The following CRACD variants were observed in gnomAD, a reference collection of about 807,000 sequenced individuals.
The protein encoded by CRACD is capping protein inhibiting regulator of actin dynamics.
Under a neutral mutation model 106.8 loss-of-function variants are expected in CRACD, and 56 were observed. The ratio of observed to expected loss-of-function variants is 0.52; its 90% CI spans 0.42 to 0.66. The LOEUF is 0.66. CRACD is among the 30% of genes least tolerant of loss of function. CRACD has a pLI of 0.00. For synonymous variants in CRACD, 754 were observed against 670.8 expected (o/e 1.12, Z -1.92); for missense variants, 1,730 against 1,623.2 (o/e 1.07, Z -1.13).
At chr4:56,241,434 A>C (rs1046516580) in intron 2 of CRACD, among the ~76,000 whole-genome samples, 1 of 152,038 alleles carries the variant, frequency 6.6e-6, no homozygotes, top group East Asian at 1.9e-4. Flanking sequence ...GAATAAAAGC[A>C]ACTAGGGTGA....
At chr4:56,065,422 T>C (rs1732433558) in intron 1 of CRACD, among the ~76,000 whole-genome samples, 1 of 152,152 alleles carries the variant, frequency 6.6e-6, no homozygotes, top group African/African-American at 2.4e-5. Context: ...GGACTGTTAC[T>C]TTCCGAGATT....
intron 1 of CRACD, among the ~76,000 whole-genome samples, chr4:56,102,091 T>C (rs1733791920): frequency 6.6e-6 from 1 of 152,224 alleles, no homozygotes; most frequent in Non-Finnish European, 1.5e-5. Context: ...ATTTAGGGCA[T>C]GCATTTGTGG....
At chr4:56,197,221 G>A (rs1439731528) in intron 2 of CRACD, among the ~76,000 whole-genome samples, 1 of 151,392 alleles carries the variant, frequency 6.6e-6, no homozygotes. Flanking sequence ...GTAACTTACA[G>A]GGAAACTGTC....
chr4:56,181,137 A>C (rs1181513011), intron 2 of CRACD, among the ~76,000 whole-genome samples: 1 of 152,222 alleles, frequency 6.6e-6, no homozygotes, highest in Non-Finnish European at 1.5e-5. Context: ...CGTTACTAGG[A>C]TATTAGAATC....
At chr4:56,088,968 A>G (rs1577955321) in intron 1 of CRACD, among the ~76,000 whole-genome samples, 1 of 152,202 alleles carries the variant, frequency 6.6e-6, no homozygotes, top group Non-Finnish European at 1.5e-5. Flanking sequence ...CAGGTGAACC[A>G]CCTGCCTTGG....
chr4:56,265,745 T>C (rs143264800), intron 2 of CRACD, among the ~76,000 whole-genome samples: 3 of 152,308 alleles, frequency 2.0e-5, no homozygotes, highest in African/African-American at 7.2e-5. Context: ...TACCAACCCA[T>C]AGGGCACATT....
At chr4:56,211,988 G>T (rs1194946448) in intron 2 of CRACD, among the ~76,000 whole-genome samples, 1 of 152,080 alleles carries the variant, frequency 6.6e-6, no homozygotes, top group East Asian at 1.9e-4. Flanking sequence ...CCACTATCAA[G>T]ACCTGCTGGG....
chr4:56,280,493 T>C (rs763192613), intron 3 of CRACD, among the ~76,000 whole-genome samples: 34 of 152,204 alleles, frequency 2.2e-4, no homozygotes, highest in Non-Finnish European at 4.1e-4. Flanking sequence ...TCAGCCTAGA[T>C]CAGGCCCCTT....
intron 2 of CRACD, among the ~76,000 whole-genome samples, chr4:56,215,534 C>CT (rs1738633085): frequency 6.6e-6 from 1 of 152,186 alleles, no homozygotes; most frequent in Admixed American, 6.5e-5. Context: ...CCTTGTTTTA[C>CT]TTTATCTTTC....
chr4:56,270,189 T>C (rs988565707), intron 2 of CRACD, among the ~76,000 whole-genome samples: 2 of 151,798 alleles, frequency 1.3e-5, no homozygotes, highest in East Asian at 3.9e-4. Flanking sequence ...ATGAAATAGT[T>C]TGAACCACTT....
intron 2 of CRACD, among the ~76,000 whole-genome samples, chr4:56,186,666 C>T (rs1737106520): frequency 6.6e-6 from 1 of 152,166 alleles, no homozygotes; most frequent in Non-Finnish European, 1.5e-5. Context: ...ATGGTCACTT[C>T]CTCCTTCCTG....
chr4:56,213,919 T>G (rs1738532242), intron 2 of CRACD, among the ~76,000 whole-genome samples: 1 of 152,148 alleles, frequency 6.6e-6, no homozygotes, highest in African/African-American at 2.4e-5. Context: ...TGAAATACGT[T>G]TTTAGGAGAA....
chr4:56,266,991 G>A (rs1336719658), intron 2 of CRACD, among the ~76,000 whole-genome samples: 1 of 152,118 alleles, frequency 6.6e-6, no homozygotes, highest in Admixed American at 6.6e-5. Flanking sequence ...TGTCACTTAA[G>A]TTTGCCTTCC....
intron 10 of CRACD, among the ~76,000 whole-genome samples, chr4:56,324,598 T>C (rs1160130216): frequency 6.6e-6 from 1 of 152,234 alleles, no homozygotes; most frequent in Non-Finnish European, 1.5e-5. Context: ...TGATGTCAGC[T>C]GGCTCACTAC....
chr4:56,283,609 G>A (rs1743160277), intron 3 of CRACD, among the ~76,000 whole-genome samples: 4 of 152,162 alleles, frequency 2.6e-5, no homozygotes, highest in Admixed American at 2.6e-4. Context: ...AGTCAAAGAT[G>A]TAGGGAACAC....
Position 56,315,885 on chromosome 4 carries a change from C to T in CRACD, c.2383C>T (p.Leu795Phe), listed in dbSNP as rs751709945. ...TTEGCKFAKD[L>F]PSFLVPSLPY... ...CGAGGGATGCAAATTTGCCAAAGAC[C>T]TCCCGTCTTTCCTTGTCCCAAGCCT... is the stretch of plus-strand genomic sequence containing the variant. The change falls in exon 8 of 11, where the codon CTC (leucine) becomes TTC (phenylalanine). Residue 795 changes from leucine (L) to phenylalanine (F), a missense_variant. This residue lies in a region of CRACD where 1,620 missense variants were observed against 1,481.6 expected (regional missense o/e 1.09). Coordinates refer to ENST00000682029, the MANE Select transcript of CRACD (RefSeq NM_001393381.1). The surrounding 1 kb of genome is among the most constrained non-coding windows in gnomAD (Gnocchi z 4.1). The T allele has an allele frequency of 6.2e-7, 1 of 1,614,088 alleles. No individual in the cohort carries two copies. Among genetic ancestry groups the T allele is most frequent in the African/African-American group, 1.3e-5 (1 of 74,950 alleles).
intron 5 of CRACD, among the ~76,000 whole-genome samples, chr4:56,310,108 G>T (rs1745038470): frequency 6.6e-6 from 1 of 152,006 alleles, no homozygotes; most frequent in Non-Finnish European, 1.5e-5. Flanking sequence ...GGTCTCCTGG[G>T]CATGCCTAGG....
rs1311208014 is a variant in CRACD, at chr4:56,057,824, T to G, written c.-336+8525T>G. On this transcript the variant is annotated intron_variant, in intron 1 of 10. Coordinates refer to ENST00000682029, the MANE Select transcript of CRACD (RefSeq NM_001393381.1). ...ATTTTTTTTTTTTTTGTTTTTTTTT[T>G]TTTTTTTTTTTTGAGACGGAGTCTC... Among the ~76,000 whole-genome samples the G allele has an allele frequency of 8.1e-4, 47 of 58,128 alleles. 3 individuals carry two copies. In the East Asian group the frequency reaches 0.012, roughly 15 times the overall value. 38.1% of individuals were successfully genotyped at this position (58,128 alleles called of 152,430 possible). A position where few individuals can be genotyped will look rare whatever the true frequency, so the allele number is the denominator to read the frequency against.
intron 2 of CRACD, among the ~76,000 whole-genome samples, chr4:56,209,987 A>T (rs1021839501): frequency 2.0e-5 from 3 of 152,070 alleles, no homozygotes; most frequent in African/African-American, 4.8e-5. Flanking sequence ...GGAGGATCCA[A>T]CCCCTCTCAG....
Sources: allele counts gnomAD v4.1 joint callset (sites outside exome capture counted in the v4.1 genomes callset), GRCh38; gene constraint gnomAD v4.1.1; regional missense constraint gnomAD v4.1.1; non-coding constraint Gnocchi (gnomAD v3.1); transcripts MANE v1.5; gene names NCBI Gene and HGNC (gene_info 2026-07-23, HGNC 2026-07-21).